Variants in DIS3L observed in about 807,000 individuals in gnomAD.
The protein encoded by DIS3L is DIS3-like exonuclease 1.
A neutral mutation model predicts 120.3 loss-of-function variants in DIS3L; 100 were observed. That is an observed-to-expected ratio of 0.83 (90% confidence interval 0.71 to 0.98). The LOEUF is 0.98. Among genes scored for constraint, DIS3L ranks in the 50% least tolerant of loss-of-function variants. DIS3L has a pLI of 0.00. For missense variants in DIS3L, 1,196 were observed against 1,314.2 expected (o/e 0.91, Z 1.39); for synonymous variants, 426 against 470.6 (o/e 0.91, Z 1.23).
intron 11 of DIS3L, among the ~76,000 whole-genome samples, chr15:66,325,597 C>T (rs370222329): frequency 4.6e-5 from 7 of 152,078 alleles, no homozygotes; most frequent in Admixed American, 2.0e-4. Flanking sequence ...GGTCAAATTC[C>T]ACTTGCTTCA....
intron 5 of DIS3L, among the ~76,000 whole-genome samples, chr15:66,312,385 C>T (rs1399647552): frequency 6.6e-6 from 1 of 152,080 alleles, no homozygotes; most frequent in Non-Finnish European, 1.5e-5. Flanking sequence ...ACACTGATTG[C>T]CCAGCTTGAA....
At chr15:66,307,021 G>A in intron 3 of DIS3L, 69 bp downstream of exon 3, 3 of 1,592,332 alleles carry the variant, frequency 1.9e-6, no homozygotes, top group Non-Finnish European at 8.6e-7. Flanking sequence ...TGGCTGTTTG[G>A]GAGTTGATCT....
At chr15:66,304,626 C>A (rs1405906150) in intron 2 of DIS3L, among the ~76,000 whole-genome samples, 1 of 152,088 alleles carries the variant, frequency 6.6e-6, no homozygotes, top group African/African-American at 2.4e-5. Context: ...TATGGCCGGG[C>A]GTGACGGCTT....
intron 15 of DIS3L, among the ~76,000 whole-genome samples, chr15:66,332,380 C>T (rs146629600): frequency 0.012 from 1,866 of 151,520 alleles, 31 homozygotes; most frequent in African/African-American, 0.041. Flanking sequence ...TCACTTGAAC[C>T]CGGGAAGCAG....
At chr15:66,326,390 G>A (rs1566958160) in intron 12 of DIS3L, 26 bp downstream of exon 12, 5 of 1,602,828 alleles carry the variant, frequency 3.1e-6, no homozygotes, top group Non-Finnish European at 3.4e-6. Flanking sequence ...GGGGGCAGAG[G>A]AATGGAGTGG....
rs1179047262 is a variant in DIS3L, at chr15:66,326,137, A to C, written c.1974A>C (p.Val658=). 6.2e-7 allele frequency: 1 copy of C among 1,614,230 alleles called. No individual in the cohort carries two copies. The highest frequency in any genetic ancestry group is 2.2e-5 in the East Asian group (1 of 44,894). The change falls in exon 12 of 17, where the codon GTA becomes GTC. Residue 658 remains valine, a synonymous_variant. Transcript: ENST00000319212. The part of the protein sequence containing the change: ...ALELEGVEVC[V]QLDDKKNIHD... ...AACTGGAAGGGGTAGAGGTTTGCGT[A>C]CAGCTAGATGACAAAAAGAACATTC...
chr15:66,293,853 C>T, intron 1 of DIS3L, 118 bp downstream of exon 1: 3 of 990,218 alleles, frequency 3.0e-6, no homozygotes, highest in Non-Finnish European at 3.6e-6. Flanking sequence ...GTAGGCCCCG[C>T]GGCCTGCGCC....
chr15:66,331,208 G>A (rs114197044), intron 14 of DIS3L, among the ~76,000 whole-genome samples: 4 of 151,976 alleles, frequency 2.6e-5, no homozygotes, highest in Admixed American at 2.6e-4. Context: ...TTCCTTATCA[G>A]TAGTGCTAAT....
intron 8 of DIS3L, among the ~76,000 whole-genome samples, chr15:66,319,828 A>G (rs2092861069): frequency 6.6e-6 from 1 of 152,032 alleles, no homozygotes; most frequent in Non-Finnish European, 1.5e-5. Flanking sequence ...AGAGGTCTTC[A>G]AAGAGACCAG....
At chr15:66,302,772 T>C (rs2092662544) in intron 2 of DIS3L, among the ~76,000 whole-genome samples, 1 of 152,232 alleles carries the variant, frequency 6.6e-6, no homozygotes, top group Non-Finnish European at 1.5e-5. Context: ...GGTTCTGTCT[T>C]ATGTTTGGTT....
At chr15:66,320,341 A>C (rs1304466515) in intron 8 of DIS3L, among the ~76,000 whole-genome samples, 2 of 152,072 alleles carry the variant, frequency 1.3e-5, no homozygotes, top group African/African-American at 4.8e-5. Context: ...TCATTGATGT[A>C]GAGAGGTAAT....
chr15:66,314,500 AT>A (rs2092797497), intron 6 of DIS3L, among the ~76,000 whole-genome samples: 1 of 152,188 alleles, frequency 6.6e-6, no homozygotes, highest in African/African-American at 2.4e-5. Context: ...AAATGTGTAA[AT>A]AAGTTGTATC....
chr15:66,308,514 T>C (rs1387857028), intron 3 of DIS3L, among the ~76,000 whole-genome samples, 195 bp from the exon 4 acceptor site: 1 of 152,214 alleles, frequency 6.6e-6, no homozygotes, highest in Non-Finnish European at 1.5e-5. Flanking sequence ...AGTCAGGTTC[T>C]TTCTGGTTCA....
intron 11 of DIS3L, among the ~76,000 whole-genome samples, chr15:66,325,170 G>A (rs1939501998): frequency 6.6e-6 from 1 of 152,178 alleles, no homozygotes; most frequent in Non-Finnish European, 1.5e-5. Flanking sequence ...AAGGCAGGTG[G>A]ATTGCCAGAG....
At chr15:66,326,540 TAA>T in intron 12 of DIS3L, 176 bp downstream of exon 12, 1 of 720,792 alleles carries the variant, frequency 1.4e-6, no homozygotes, top group Non-Finnish European at 2.2e-6. Flanking sequence ...TATAGAGACT[TAA>T]AACAAGTTTA....
rs1339714861 is a variant in DIS3L, at chr15:66,326,931, G to T, written c.2201+567G>T. On this transcript the variant is annotated intron_variant, in intron 12 of 16. Coordinates refer to ENST00000319212, the MANE Select transcript of DIS3L (RefSeq NM_001143688.3). ...CAATTTGGGTTTTTTTGTTCGGTTG[G>T]TTTTTTTTTTTTCTTTGAGATAGAG... Among the ~76,000 whole-genome samples the T allele has an allele frequency of 1.9e-4, 27 of 140,558 alleles. No homozygotes were observed. In the East Asian group the frequency reaches 2.1e-3, roughly 11 times the overall value. The allele number at this position is 140,558 out of a possible 152,430, so 92.2% of individuals were successfully genotyped here. A position where few individuals can be genotyped will look rare whatever the true frequency, so the allele number is the denominator to read the frequency against.
intron 9 of DIS3L, among the ~76,000 whole-genome samples, chr15:66,321,763 C>CAAA (rs35742157): frequency 5.6e-4 from 57 of 101,000 alleles, no homozygotes; most frequent in African/African-American, 1.7e-3. Flanking sequence ...GAGACTGTCT[C>CAAA]AAAAAAAAAA....
intron 12 of DIS3L, 87 bp downstream of exon 12, chr15:66,326,451 G>C: frequency 1.4e-6 from 2 of 1,391,482 alleles, no homozygotes; most frequent in Non-Finnish European, 1.9e-6. Context: ...GTGACAGCCA[G>C]ATCTTTGACC....
chr15:66,328,131 T>A (rs1242223171), intron 12 of DIS3L, among the ~76,000 whole-genome samples: 1 of 152,184 alleles, frequency 6.6e-6, no homozygotes, highest in Admixed American at 6.5e-5. Flanking sequence ...GCAGCATCAT[T>A]CATATTTACA....
Sources: allele counts gnomAD v4.1 joint callset (sites outside exome capture counted in the v4.1 genomes callset), GRCh38; gene constraint gnomAD v4.1.1; transcripts MANE v1.5; gene names NCBI Gene and HGNC (gene_info 2026-07-23, HGNC 2026-07-21).